Variants in AGPAT5 observed in about 807,000 individuals in gnomAD.
The protein encoded by AGPAT5 is 1-acyl-sn-glycerol-3-phosphate acyltransferase epsilon.
AGPAT5 carries 46 observed loss-of-function variants against 45.6 expected under a neutral mutation model. The observed-to-expected ratio is 1.01, with a 90% CI of 0.80 to 1.29. AGPAT5 has a LOEUF of 1.29. Ranked by LOEUF, AGPAT5 falls within the 50% of genes most tolerant of loss-of-function variation. The pLI is 0.00. For synonymous variants in AGPAT5, 272 were observed against 167.0 expected (o/e 1.63, Z -4.85); for missense variants, 673 against 450.7 (o/e 1.49, Z -4.47).
chr8:6,720,157 G>T (rs938242435), intron 1 of AGPAT5, among the ~76,000 whole-genome samples: 4 of 152,128 alleles, frequency 2.6e-5, no homozygotes, highest in South Asian at 2.1e-4. Flanking sequence ...AGCCCCACTA[G>T]ATAGTGTCCA....
chr8:6,719,721 AT>A lies in AGPAT5; in HGVS notation c.220-5145del, dbSNP rs557581123. On this transcript the variant is annotated intron_variant, in intron 1 of 7. Transcript: ENST00000285518. ...TGTTGGAACCAAATTCATTATTTAC[AT>A]TTTCAACAAGATCTGGAAGATCATA... 5.3e-5 allele frequency among the ~76,000 whole-genome samples: 8 copies of A among 152,314 alleles called. 1 individual carries two copies. In the South Asian group the frequency reaches 1.5e-3, roughly 28 times the overall value.
intron 6 of AGPAT5, among the ~76,000 whole-genome samples, chr8:6,748,763 C>T (rs1028631638): frequency 6.6e-6 from 1 of 152,166 alleles, no homozygotes; most frequent in Non-Finnish European, 1.5e-5. Context: ...CCTCGGCCTC[C>T]CAAATGAGCT....
At chr8:6,748,565 C>T (rs975859943) in intron 6 of AGPAT5, among the ~76,000 whole-genome samples, 27 of 152,204 alleles carry the variant, frequency 1.8e-4, no homozygotes, top group African/African-American at 6.0e-4. Flanking sequence ...AGTGCAGTGG[C>T]GCAATCTTGG....
intron 1 of AGPAT5, among the ~76,000 whole-genome samples, chr8:6,710,123 C>T (rs62497279): frequency 0.015 from 2,274 of 151,538 alleles, 37 homozygotes; most frequent in Non-Finnish European, 0.02. Flanking sequence ...AAGTCATTCA[C>T]CTCTTAAAAA....
chr8:6,721,265 T>G (rs534442102), intron 1 of AGPAT5, among the ~76,000 whole-genome samples: 60 of 152,358 alleles, frequency 3.9e-4, no homozygotes, highest in African/African-American at 1.4e-3. Context: ...CATTTAAAAG[T>G]TCAAGTAATT....
intron 4 of AGPAT5, among the ~76,000 whole-genome samples, chr8:6,733,644 A>C (rs1475919908): frequency 6.6e-6 from 1 of 152,198 alleles, no homozygotes; most frequent in Non-Finnish European, 1.5e-5. Context: ...ATTTGGGCAG[A>C]ATTGTGGTCA....
intron 4 of AGPAT5, among the ~76,000 whole-genome samples, chr8:6,734,100 G>A (rs1421004112): frequency 6.6e-6 from 1 of 152,048 alleles, no homozygotes. Context: ...TCTGAGCTTG[G>A]ATCTATGATT....
At chr8:6,715,432 A>G (rs891579876) in intron 1 of AGPAT5, among the ~76,000 whole-genome samples, 23 of 152,178 alleles carry the variant, frequency 1.5e-4, no homozygotes, top group African/African-American at 5.6e-4. Context: ...AATGTGGAGG[A>G]AAAAGAAGAG....
In AGPAT5 at chr8:6,750,487, C is replaced by A. The variant is rs746825178; in HGVS notation, c.745+2659C>A. ...CACTTCAGTCAAGGATAAAGTATTT[C>A]TGAATTAAAGGAAAAATACACCAGA... On this transcript the variant is annotated intron_variant, in intron 6 of 7. Transcript: ENST00000285518. Among the ~76,000 whole-genome samples, 49 of 152,084 alleles carry A rather than the reference C, an allele frequency of 3.2e-4. 1 individual carries two copies. The highest frequency in any genetic ancestry group is 3.4e-4 in the Non-Finnish European group (23 of 68,016).
chr8:6,731,864 C>G (rs1048259010), intron 3 of AGPAT5, among the ~76,000 whole-genome samples: 2 of 152,212 alleles, frequency 1.3e-5, no homozygotes, highest in African/African-American at 4.8e-5. Flanking sequence ...CCCAGGCTTG[C>G]AGACAGCATC....
intron 1 of AGPAT5, among the ~76,000 whole-genome samples, chr8:6,712,008 G>C (rs1800171567): frequency 6.6e-6 from 1 of 152,194 alleles, no homozygotes; most frequent in African/African-American, 2.4e-5. Flanking sequence ...TTAGGATGTG[G>C]ACACATTTTT....
At chr8:6,754,634 T>C (rs1801771163) in intron 6 of AGPAT5, among the ~76,000 whole-genome samples, 1 of 152,054 alleles carries the variant, frequency 6.6e-6, no homozygotes, top group South Asian at 2.1e-4. Context: ...GAGGCAGCAG[T>C]CACCATGGTG....
Position 6,738,489 on chromosome 8 carries a change from A to T in AGPAT5, c.496-3172A>T, listed in dbSNP as rs190626358. ...AGTAACATCAGAGATCACAGATCACAATAACAGATATAATAATATGAAATA... is the reference window on the plus strand; with the variant it reads ...AGTAACATCAGAGATCACAGATCACTATAACAGATATAATAATATGAAATA... On this transcript the variant is annotated intron_variant, in intron 4 of 7. Coordinates refer to ENST00000285518, the MANE Select transcript of AGPAT5 (RefSeq NM_018361.5). 15 of 152,360 alleles carry T rather than the reference A, an allele frequency of 9.8e-5. No individual in the cohort carries two copies. The East Asian group carries it at 2.9e-3, about 29-fold the overall frequency. 9.4% of individuals were successfully genotyped at this position (152,360 alleles called of 1,614,324 possible).
At chr8:6,729,952 A>T (rs74975580) in intron 2 of AGPAT5, among the ~76,000 whole-genome samples, 1,681 of 152,282 alleles carry the variant, frequency 0.011, 38 homozygotes, top group African/African-American at 0.038. Context: ...TTGCTGTCCT[A>T]ACCTAGTACC....
chr8:6,723,722 A>G (rs920719415), intron 1 of AGPAT5, among the ~76,000 whole-genome samples: 2 of 152,232 alleles, frequency 1.3e-5, no homozygotes, highest in African/African-American at 2.4e-5. Flanking sequence ...TACTACATAC[A>G]TAGCACTGTG....
intron 1 of AGPAT5, among the ~76,000 whole-genome samples, chr8:6,713,637 C>T (rs544520515): frequency 6.6e-6 from 1 of 152,174 alleles, no homozygotes; most frequent in African/African-American, 2.4e-5. Flanking sequence ...TCACTGCAAC[C>T]TCTGCCCCCG....
Position 6,760,028 on chromosome 8 carries a change from C to T in AGPAT5, c.*2640C>T, listed in dbSNP as rs775399202. ...TGATAGTTTTTCATATGTTTCATTT[C>T]CATGTGATTTTTAAAATTTAGAGTG... On this transcript the variant is annotated 3_prime_UTR_variant, in exon 8 of 8. Coordinates refer to ENST00000285518, the MANE Select transcript of AGPAT5 (RefSeq NM_018361.5). Among the ~76,000 whole-genome samples, 37 of 152,104 alleles carry T rather than the reference C, an allele frequency of 2.4e-4. No homozygotes were observed. The highest frequency in any genetic ancestry group is 2.1e-4 in the South Asian group (1 of 4,830).
At chr8:6,732,444 A>G in intron 3 of AGPAT5, 117 bp from the exon 4 acceptor site, 1 of 655,752 alleles carries the variant, frequency 1.5e-6, no homozygotes, top group Non-Finnish European at 2.5e-6. Flanking sequence ...ATATAGATTA[A>G]ATTCTGAAAT....
At chr8:6,755,773 G>A (rs999413338) in intron 7 of AGPAT5, among the ~76,000 whole-genome samples, 5 of 152,156 alleles carry the variant, frequency 3.3e-5, no homozygotes, top group Non-Finnish European at 7.3e-5. Context: ...ACAGTACAGT[G>A]TTTTTAATTA....
Sources: allele counts gnomAD v4.1 joint callset (sites outside exome capture counted in the v4.1 genomes callset), GRCh38; gene constraint gnomAD v4.1.1; transcripts MANE v1.5; gene names NCBI Gene and HGNC (gene_info 2026-07-23, HGNC 2026-07-21).